ABL1: variants seen among roughly 807,000 people sequenced by gnomAD.
The protein encoded by ABL1 is ABL proto-oncogene 1, non-receptor tyrosine kinase.
In ABL1, 11 loss-of-function variants were observed where a neutral mutation model predicts 94.7. The ratio of observed to expected loss-of-function variants is 0.12; its 90% CI spans 0.07 to 0.19. ABL1 has a LOEUF of 0.19. ABL1 is among the 10% of genes least tolerant of loss of function. The pLI is 1.00. For synonymous variants in ABL1, 656 were observed against 622.4 expected (o/e 1.05, Z -0.80); for missense variants, 1,082 against 1,489.4 (o/e 0.73, Z 4.50).
chr9:130,804,396 G>T (rs1830098023), intron 1 of ABL1, among the ~76,000 whole-genome samples: 1 of 152,136 alleles, frequency 6.6e-6, no homozygotes, highest in Admixed American at 6.5e-5. Context: ...AGACAAGCCT[G>T]ACCAACATGG....
chr9:130,822,822 G>T (rs2132879891), intron 1 of ABL1, among the ~76,000 whole-genome samples: 1 of 151,230 alleles, frequency 6.6e-6, no homozygotes, highest in African/African-American at 2.4e-5. Context: ...TTTCGAGATG[G>T]AGTCTCGCTC....
chr9:130,725,715 C>T (rs186693877), intron 1 of ABL1, among the ~76,000 whole-genome samples: 5 of 150,782 alleles, frequency 3.3e-5, no homozygotes, highest in Admixed American at 6.6e-5. Context: ...TCTGTTGTTA[C>T]GTGTATCAGA....
At chr9:130,735,477 G>GT (rs556969254) in intron 1 of ABL1, among the ~76,000 whole-genome samples, 4,314 of 143,802 alleles carry the variant, frequency 0.03, 65 homozygotes, top group African/African-American at 0.039. Flanking sequence ...TTTGTGTGTG[G>GT]TTTTTTTTTT....
At chr9:130,756,974 A>C (rs1363245605) in intron 1 of ABL1, among the ~76,000 whole-genome samples, 1 of 152,098 alleles carries the variant, frequency 6.6e-6, no homozygotes, top group Non-Finnish European at 1.5e-5. Context: ...CATCTTCACT[A>C]CACAGCTGTG....
intron 4 of ABL1, among the ~76,000 whole-genome samples, chr9:130,866,770 A>G (rs895622664): frequency 1.9e-4 from 29 of 152,254 alleles, no homozygotes; most frequent in African/African-American, 6.3e-4. Flanking sequence ...AGTATTGGGC[A>G]GGACATAGTC....
At chr9:130,791,141 G>A (rs570423633) in intron 1 of ABL1, among the ~76,000 whole-genome samples, 48 of 152,184 alleles carry the variant, frequency 3.2e-4, no homozygotes, top group Non-Finnish European at 6.3e-4. Flanking sequence ...AACCAGAAAC[G>A]ATTCTTAAAA....
chr9:130,730,046 C>CTTTTTTTTTTTTTTTTTTT lies in ABL1; in HGVS notation c.136+15605_136+15606insTTTTTTTTTTTTTTTTTTT, dbSNP rs138446676. Among the ~76,000 whole-genome samples the CTTTTTTTTTTTTTTTTTTT allele has an allele frequency of 1.7e-3, 177 of 107,124 alleles. 10 individuals are homozygous for CTTTTTTTTTTTTTTTTTTT. Among genetic ancestry groups the CTTTTTTTTTTTTTTTTTTT allele is most frequent in the Non-Finnish European group, 2.5e-3 (136 of 53,438 alleles). The allele number at this position is 107,124 out of a possible 152,430, so 70.3% of individuals were successfully genotyped here. ...GCGTGAGCCACTGCGCCCAGCCAGA[C>CTTTTTTTTTTTTTTTTTTT]TTTTTTTTTTTTTTGAGATGGAATT... is the stretch of plus-strand genomic sequence containing the variant. On this transcript the variant is annotated intron_variant, in intron 1 of 10. Transcript: ENST00000372348.
Position 130,886,514 on chromosome 9 carries a change from T to TC in ABL1, c.*836dup, listed in dbSNP as rs1831586984. The TC allele has an allele frequency of 8.6e-6, 2 of 232,936 alleles. No homozygotes were observed. Among genetic ancestry groups the TC allele is most frequent in the Admixed American group, 5.6e-5 (1 of 17,738 alleles). The allele number at this position is 232,936 out of a possible 1,614,324, so 14.4% of individuals were successfully genotyped here. ...AGGTCACTGTCACTGCCGACATCCC[T>TC]CCCCCAGCAGAATGGAGGCAGGGGA... On this transcript the variant is annotated 3_prime_UTR_variant, in exon 11 of 11. Transcript: ENST00000318560.
chr9:130,761,258 C>T (rs569892758), intron 1 of ABL1, among the ~76,000 whole-genome samples: 7 of 152,300 alleles, frequency 4.6e-5, no homozygotes, highest in South Asian at 4.1e-4. Context: ...TGAGCCACTG[C>T]GCCCGGCCTA....
At chr9:130,768,296 C>G (rs1271399208) in intron 1 of ABL1, among the ~76,000 whole-genome samples, 1 of 152,210 alleles carries the variant, frequency 6.6e-6, no homozygotes, top group African/African-American at 2.4e-5. Context: ...TCATGCTCTG[C>G]TAGGTCTGTA....
rs376821640 is a variant in ABL1 at position 130,885,097 on chromosome 9, G to A, written c.2807G>A (p.Ser936Asn). The change falls in exon 11 of 11, where the codon AGT becomes AAT. Residue 936 changes from serine to asparagine, a missense_variant. Ser to Asn is a conservative substitution (Grantham distance 46). Coordinates refer to ENST00000318560, the MANE Select transcript of ABL1 (RefSeq NM_005157.6). ...AVLGAKTKAT[S>N]LVDAVNSDAA... The stretch of plus-strand genomic sequence containing the variant: ...CTGGGCGCAAAGACAAAAGCCACGA[G>A]TCTGGTTGATGCTGTGAACAGTGAC... The A allele has an allele frequency of 6.2e-6, 10 of 1,610,712 alleles. No homozygotes were observed. Among genetic ancestry groups the A allele is most frequent in the African/African-American group, 5.3e-5 (4 of 74,860 alleles).
intron 1 of ABL1, among the ~76,000 whole-genome samples, chr9:130,837,228 T>C (rs775322730): frequency 1.1e-4 from 16 of 152,348 alleles, no homozygotes; most frequent in Middle Eastern, 3.4e-3. Flanking sequence ...CCAAATCATC[T>C]TCAATTAATA....
At position 130,815,819 on chromosome 9, in the gene ABL1, C is replaced by T. The variant is rs34338812; in HGVS notation, c.137-38245C>T. Among the ~76,000 whole-genome samples the T allele has an allele frequency of 3.7e-3, 556 of 151,990 alleles. 5 individuals carry two copies. Among genetic ancestry groups the T allele is most frequent in the African/African-American group, 0.011 (465 of 41,446 alleles). On this transcript the variant is annotated intron_variant, in intron 1 of 10. Transcript: ENST00000372348. ...GGCAGATCACCTGAGGTCAGGAGTT[C>T]GAGACCAGCCTGGCCAACATGGTGA...
chr9:130,781,023 G>A (rs549937199), intron 1 of ABL1, among the ~76,000 whole-genome samples: 17 of 152,260 alleles, frequency 1.1e-4, no homozygotes, highest in African/African-American at 4.1e-4. Context: ...TATTCAGCCT[G>A]TTTTGAAGTT....
intron 1 of ABL1, among the ~76,000 whole-genome samples, chr9:130,716,635 A>G (rs1431505596): frequency 2.6e-5 from 4 of 152,280 alleles, no homozygotes; most frequent in Middle Eastern, 3.4e-3. Flanking sequence ...ATGACAAACT[A>G]TGGTTATTCA....
At chr9:130,881,888 CAA>C (rs1178368722) in intron 10 of ABL1, among the ~76,000 whole-genome samples, 1 of 118,724 alleles carries the variant, frequency 8.4e-6, no homozygotes, top group Non-Finnish European at 1.8e-5. Context: ...AAAAAAAAAA[CAA>C]AAAAAAACAG....
chr9:130,800,461 GAA>G (rs571119078), intron 1 of ABL1, among the ~76,000 whole-genome samples: 1 of 141,402 alleles, frequency 7.1e-6, no homozygotes, highest in Admixed American at 7.1e-5. Context: ...AAAACCTATT[GAA>G]AAAAAAAAAG....
intron 1 of ABL1, among the ~76,000 whole-genome samples, chr9:130,811,104 TAA>T (rs34248793): frequency 1.4e-5 from 2 of 145,250 alleles, no homozygotes; most frequent in East Asian, 2.0e-4. Flanking sequence ...TTTCAGACTT[TAA>T]AAAAAAAAAG....
intron 1 of ABL1, among the ~76,000 whole-genome samples, chr9:130,733,851 A>G (rs1200842688): frequency 6.6e-6 from 1 of 151,750 alleles, no homozygotes; most frequent in Non-Finnish European, 1.5e-5. Context: ...CGGCCTCCCA[A>G]AGTGCTGGGG....
Sources: gnomAD v4.1 joint callset for allele counts (sites outside exome capture counted in the v4.1 genomes callset) on GRCh38, gnomAD v4.1.1 for gene constraint, MANE v1.5 for transcripts, NCBI Gene and HGNC (gene_info 2026-07-23, HGNC 2026-07-21) for gene names.